The following ZCCHC10 variants were observed in gnomAD, a reference collection of about 807,000 sequenced individuals.
The protein encoded by ZCCHC10 is zinc finger CCHC-type containing 10, also known as zinc finger CCHC domain-containing protein 10.
A neutral mutation model predicts 19.5 loss-of-function variants in ZCCHC10; 16 were observed. The ratio of observed to expected loss-of-function variants is 0.82; its 90% CI spans 0.56 to 1.25. The LOEUF is 1.25. ZCCHC10 is among the 50% of genes most tolerant of loss of function. ZCCHC10 has a pLI of 0.00. For synonymous variants in ZCCHC10, 67 were observed against 72.5 expected, an observed-to-expected ratio of 0.92 and a Z score of 0.38; for missense variants, 197 against 201.0, an observed-to-expected ratio of 0.98 and a Z score of 0.12.
At chr5:133,021,903 C>T (rs1159606492) in intron 2 of ZCCHC10, among the ~76,000 whole-genome samples, 1 of 151,742 alleles carries the variant, frequency 6.6e-6, no homozygotes, top group Non-Finnish European at 1.5e-5. Context: ...TAGTGATTCT[C>T]CTGCCTCAGC....
intron 2 of ZCCHC10, among the ~76,000 whole-genome samples, chr5:133,020,757 G>C (rs973150363): frequency 6.6e-6 from 1 of 151,532 alleles, no homozygotes; most frequent in Non-Finnish European, 1.5e-5. Context: ...GTCTCACTCT[G>C]TCACCCAGGC....
chr5:133,012,696 C>G lies in ZCCHC10; in HGVS notation c.108-5776G>C, dbSNP rs997275160. 3.3e-5 allele frequency among the ~76,000 whole-genome samples: 5 copies of G among 152,004 alleles called. 1 individual carries two copies. The highest frequency in any genetic ancestry group is 6.6e-5 in the Admixed American group (1 of 15,238). On this transcript the variant is annotated intron_variant, in intron 2 of 4. Transcript: ENST00000509437. ...TTGGGAGGCCAAGGTGGGTAGATCA[C>G]TTGAGGTCAGGAGTCCAAGACCAGC...
chr5:133,018,982 T>A, intron 2 of ZCCHC10: 1 of 410,944 alleles, frequency 2.4e-6, no homozygotes, highest in Non-Finnish European at 4.7e-6. Context: ...GTTTTCTCCA[T>A]ATTGAGAAAC....
intron 1 of ZCCHC10, among the ~76,000 whole-genome samples, chr5:133,023,664 A>G (rs1472473723): frequency 6.6e-6 from 1 of 151,770 alleles, no homozygotes; most frequent in Non-Finnish European, 1.5e-5. Context: ...TCCCAGCTAA[A>G]GGAGGCTGAG....
chr5:133,004,645 C>T (rs1357591863), intron 3 of ZCCHC10, among the ~76,000 whole-genome samples: 2 of 152,030 alleles, frequency 1.3e-5, no homozygotes, highest in Non-Finnish European at 2.9e-5. Context: ...CCCACCACCA[C>T]GCCCGGCTGA....
chr5:132,997,270 T>C lies in ZCCHC10; in HGVS notation c.*1313A>G, dbSNP rs1762491762. The C allele has an allele frequency of 6.6e-6, 1 of 152,218 alleles. No homozygotes were observed. Among genetic ancestry groups the C allele is most frequent in the Non-Finnish European group, 1.5e-5 (1 of 68,034 alleles). 9.4% of individuals were successfully genotyped at this position (152,218 alleles called of 1,614,324 possible). ...GCTCCTTAAACTCACAACATACATA[T>C]ATTTCAATATTTAAATAGCCTGTTT... On this transcript the variant is annotated 3_prime_UTR_variant, in exon 5 of 5. Transcript: ENST00000509437.
Position 133,016,918 on chromosome 5 carries a change from A to G in ZCCHC10, c.107+5923T>C, listed in dbSNP as rs116714628. On this transcript the variant is annotated intron_variant, in intron 2 of 4. Coordinates refer to ENST00000509437, the MANE Select transcript of ZCCHC10 (RefSeq NM_001300816.3). ...AATCTGCCCTGCACCCCCACCCACGACTCCCATTGCCAGGCAGGCCCCCCC... is the reference window on the plus strand; with the variant it reads ...AATCTGCCCTGCACCCCCACCCACGGCTCCCATTGCCAGGCAGGCCCCCCC... Among the ~76,000 whole-genome samples, 242 of 139,890 alleles carry G rather than the reference A, an allele frequency of 1.7e-3. 1 individual carries two copies. Among genetic ancestry groups the G allele is most frequent in the African/African-American group, 6.2e-3 (232 of 37,388 alleles). The allele number at this position is 139,890 out of a possible 152,430, so 91.8% of individuals were successfully genotyped here. A position where few individuals can be genotyped will look rare whatever the true frequency, so the allele number is the denominator to read the frequency against.
At chr5:133,017,090 T>C (rs939440868) in intron 2 of ZCCHC10, among the ~76,000 whole-genome samples, 1 of 152,078 alleles carries the variant, frequency 6.6e-6, no homozygotes, top group African/African-American at 2.4e-5. Flanking sequence ...GAGACAACTT[T>C]TGTTAAACTG....
intron 4 of ZCCHC10, among the ~76,000 whole-genome samples, chr5:132,999,842 G>A (rs1444586020): frequency 6.6e-6 from 1 of 152,128 alleles, no homozygotes; most frequent in Non-Finnish European, 1.5e-5. Context: ...CTGCCTCCCA[G>A]GTTCAAGCAA....
chr5:133,023,502 C>T (rs1404980120), intron 1 of ZCCHC10, among the ~76,000 whole-genome samples: 4 of 143,466 alleles, frequency 2.8e-5, no homozygotes, highest in East Asian at 2.0e-4. Context: ...AAGCCAGGTG[C>T]GGTGGCTCAC....
Position 132,997,498 on chromosome 5 carries a change from T to C in ZCCHC10, c.*1085A>G, listed in dbSNP as rs1321816073. On this transcript the variant is annotated 3_prime_UTR_variant, in exon 5 of 5. Coordinates refer to ENST00000509437, the MANE Select transcript of ZCCHC10 (RefSeq NM_001300816.3). ...ACAGCATTTTACTTTTAAGAAATAT[T>C]GTGCAGTATCTCCTTTTTAACCTTT... is the stretch of plus-strand genomic sequence containing the variant. 1.3e-5 allele frequency: 2 copies of C among 152,170 alleles called. No individual in the cohort carries two copies. Among genetic ancestry groups the C allele is most frequent in the African/African-American group, 4.8e-5 (2 of 41,458 alleles). 9.4% of individuals were successfully genotyped at this position (152,170 alleles called of 1,614,324 possible).
At chr5:133,018,160 A>G (rs1046784631) in intron 2 of ZCCHC10, among the ~76,000 whole-genome samples, 75 of 151,650 alleles carry the variant, frequency 4.9e-4, no homozygotes, top group Non-Finnish European at 1.0e-3. Context: ...AAAAAAAAAA[A>G]AAGACAAAAT....
At chr5:133,018,794 GA>G (rs1764097094) in intron 2 of ZCCHC10, among the ~76,000 whole-genome samples, 1 of 152,202 alleles carries the variant, frequency 6.6e-6, no homozygotes, top group Admixed American at 6.6e-5. Context: ...CAAAGACAAT[GA>G]AAGAAGCAGG....
chr5:133,006,001 T>C (rs76500635), intron 3 of ZCCHC10, among the ~76,000 whole-genome samples: 1 of 123,014 alleles, frequency 8.1e-6, no homozygotes, highest in African/African-American at 3.6e-5. Context: ...TTTTTTTTTT[T>C]TGAGACAGAG....
At chr5:133,015,876 C>G (rs1325648673) in intron 2 of ZCCHC10, among the ~76,000 whole-genome samples, 1 of 152,210 alleles carries the variant, frequency 6.6e-6, no homozygotes, top group Middle Eastern at 3.2e-3. Context: ...TGGGCTAATA[C>G]TTGAAAATCC....
intron 2 of ZCCHC10, among the ~76,000 whole-genome samples, chr5:133,016,919 C>G (rs1054961560): frequency 1.3e-5 from 2 of 151,708 alleles, no homozygotes; most frequent in African/African-American, 4.8e-5. Flanking sequence ...CCACCCACGA[C>G]TCCCATTGCC....
At position 133,019,166 on chromosome 5, in the gene ZCCHC10, A is replaced by G. The variant is rs888545617; in HGVS notation, c.107+3675T>C. On this transcript the variant is annotated intron_variant, in intron 2 of 4. Transcript: ENST00000509437. ...TGAGAGGCCAAGGCAGGATCACCCG[A>G]GCTCAGGAGTTTGAGACCAGCCTGG... 7.1e-6 allele frequency: 3 copies of G among 422,318 alleles called. No individual in the cohort carries two copies. The Admixed American group carries it at 8.7e-5, about 12-fold the overall frequency. The allele number at this position is 422,318 out of a possible 1,614,324, so 26.2% of individuals were successfully genotyped here.
At chr5:133,006,684 G>A (rs1763139440) in intron 3 of ZCCHC10, 75 bp downstream of exon 3, 6 of 1,374,858 alleles carry the variant, frequency 4.4e-6, no homozygotes, top group Non-Finnish European at 5.8e-6. Context: ...GAACCACCAT[G>A]AAACGTTTGG....
intron 1 of ZCCHC10, among the ~76,000 whole-genome samples, chr5:133,025,524 AAAAAAAAAAG>A: frequency 6.7e-6 from 1 of 148,608 alleles, no homozygotes; most frequent in African/African-American, 2.6e-5. Context: ...AAAAAAAAAA[AAAAAAAAAAG>A]AAAGGGGCAT....
Sources: allele counts gnomAD v4.1 joint callset (sites outside exome capture counted in the v4.1 genomes callset), GRCh38; gene constraint gnomAD v4.1.1; transcripts MANE v1.5; gene names NCBI Gene and HGNC (gene_info 2026-07-23, HGNC 2026-07-21).